Variants in MYH4 observed in about 807,000 individuals in gnomAD.
MYH4 encodes myosin heavy chain 4.
In MYH4, 200 loss-of-function variants were observed where a neutral mutation model predicts 229.9. That is an observed-to-expected ratio of 0.87 (90% CI 0.78 to 0.98). The LOEUF (loss-of-function observed/expected upper bound fraction) is 0.98, where lower values mean the gene tolerates loss of function less well. MYH4 is among the 50% of genes least tolerant of loss of function. MYH4 has a pLI of 0.00. For synonymous variants in MYH4, 761 were observed against 834.6 expected (o/e 0.91, Z 1.52); for missense variants, 2,148 against 2,332.6 (o/e 0.92, Z 1.63).
chr17:10,452,220 C>T lies in MYH4; in HGVS notation c.3459G>A (p.Arg1153=). The T allele has an allele frequency of 6.2e-7, 1 of 1,613,920 alleles. No homozygotes were observed. Among genetic ancestry groups the T allele is most frequent in the South Asian group, 1.1e-5 (1 of 91,068 alleles). Residue 1153 remains arginine, a synonymous_variant, in exon 27 of 40, where the codon AGG becomes AGA. Transcript: ENST00000255381. ...LSRELEEISE[R]LEEAGGATSA... is the part of the protein sequence containing the mutation. ...AAGTGGCCCCACCGGCTTCTTCCAG[C>T]CTCTCACTGATCTCCTCCAGCTCCC... is the stretch of plus-strand genomic sequence containing the variant.
intron 17 of MYH4, 35 bp from the exon 18 acceptor site, chr17:10,455,936 C>T (rs2142221467): frequency 6.2e-7 from 1 of 1,612,758 alleles, no homozygotes; most frequent in Non-Finnish European, 8.5e-7. Context: ...AAAATCATTT[C>T]TAGTTGCATC....
intron 2 of MYH4, 135 bp from the exon 3 acceptor site, chr17:10,466,919 T>A (rs2072774610): frequency 1.4e-6 from 1 of 709,530 alleles, no homozygotes; most frequent in East Asian, 2.7e-5. Flanking sequence ...CTGTATACTA[T>A]GTCAAGGAGC....
At position 10,443,610 on chromosome 17, in the gene MYH4, T is replaced by C; in HGVS notation, c.5668-83A>G. The C allele has an allele frequency of 6.9e-7, 1 of 1,455,164 alleles. No individual in the cohort carries two copies. The highest frequency in any genetic ancestry group is 2.3e-5 in the East Asian group (1 of 43,538). 90.1% of individuals were successfully genotyped at this position (1,455,164 alleles called of 1,614,324 possible). A position where few individuals can be genotyped will look rare whatever the true frequency, so the allele number is the denominator to read the frequency against. On this transcript the variant is annotated intron_variant, in intron 39 of 39. Transcript: ENST00000255381. This position sits in a 1 kb window ranked among gnomAD's most constrained non-coding sequence, Gnocchi z 4.6. ...TGCTTTTGTTACTTCAGGATTTGCC[T>C]CATGAATGAGAAAGAAAAAGGCTCC...
In MYH4 at chr17:10,448,445, T is replaced by C; in HGVS notation, c.4607A>G (p.Gln1536Arg). 6.2e-7 allele frequency: 1 copy of C among 1,614,042 alleles called. No homozygotes were observed. The highest frequency in any genetic ancestry group is 8.5e-7 in the Non-Finnish European group (1 of 1,179,944). Residue 1536 changes from glutamine to arginine, a missense_variant, in exon 33 of 40, where the codon CAA becomes CGA. Physicochemically the swap from Gln to Arg is conservative, Grantham distance 43. Coordinates refer to ENST00000255381, the MANE Select transcript of MYH4 (RefSeq NM_017533.2). ...TAGTTCACTCTTCTCATGATCAAGT[T>C]GTTTCTTTACTTTCTCCAGTTCATG... The part of the protein sequence containing the change: ...HIHELEKVKK[Q>R]LDHEKSELQT...
rs2072517088 is a variant in MYH4, at chr17:10,446,863, G to A, written c.5169+150C>T. 1.0e-5 allele frequency: 7 copies of A among 690,128 alleles called. No individual in the cohort carries two copies. In the Admixed American group the frequency reaches 2.1e-4, roughly 21 times the overall value. The allele number at this position is 690,128 out of a possible 1,614,324, so 42.8% of individuals were successfully genotyped here. A position where few individuals can be genotyped will look rare whatever the true frequency, so the allele number is the denominator to read the frequency against. On this transcript the variant is annotated intron_variant, in intron 35 of 39. Transcript: ENST00000255381. ...CATAAATATACTCGTGAACCAGCTAGGTCCCAGTAAATCCTTACAGCACCC... is the reference window on the plus strand; with the variant it reads ...CATAAATATACTCGTGAACCAGCTAAGTCCCAGTAAATCCTTACAGCACCC...
intron 17 of MYH4, 40 bp from the exon 18 acceptor site, chr17:10,455,941 TG>T (rs1333517972): frequency 1.2e-6 from 2 of 1,611,158 alleles, no homozygotes. Context: ...CATTTCTAGT[TG>T]CATCGACATG....
chr17:10,452,149 T>C lies in MYH4; in HGVS notation c.3530A>G (p.Lys1177Arg). Residue 1177 changes from lysine (K) to arginine (R), a missense_variant, in exon 27 of 40, where the codon AAA (lysine) becomes AGA (arginine). Transcript: ENST00000255381. ...GGACTCTTCCAGGTCCCTGCGCATT[T>C]TCTGGAACTCAGCCTCCCGCTTCTT... The part of the protein sequence containing the change: ...MNKKREAEFQ[K>R]MRRDLEESTL... 5 of 1,614,066 alleles carry C rather than the reference T, an allele frequency of 3.1e-6. No individual in the cohort carries two copies. The highest frequency in any genetic ancestry group is 3.4e-6 in the Non-Finnish European group (4 of 1,180,016).
In MYH4 at chr17:10,448,440, C is replaced by T. The variant is rs868682593; in HGVS notation, c.4612G>A (p.Asp1538Asn). Residue 1538 changes from aspartate to asparagine, a missense_variant, in exon 33 of 40, where the codon GAT (aspartate) becomes AAT (asparagine). Transcript: ENST00000255381. Reference protein sequence around the residue: ...HELEKVKKQLDHEKSELQTSL... With the variant: ...HELEKVKKQLNHEKSELQTSL... The stretch of plus-strand genomic sequence containing the variant: ...GTCTGTAGTTCACTCTTCTCATGAT[C>T]AAGTTGTTTCTTTACTTTCTCCAGT... The T allele has an allele frequency of 6.2e-7, 1 of 1,613,980 alleles. No homozygotes were observed.
intron 35 of MYH4, among the ~76,000 whole-genome samples, chr17:10,446,622 T>G (rs926673448): frequency 5.9e-5 from 9 of 152,234 alleles, no homozygotes; most frequent in African/African-American, 2.2e-4. Flanking sequence ...CCCATGAGGT[T>G]AGCATTCTGT....
chr17:10,465,337 T>C (rs1222972579), intron 5 of MYH4, 105 bp downstream of exon 5: 2 of 1,374,772 alleles, frequency 1.5e-6, no homozygotes, highest in Non-Finnish European at 2.0e-6. Context: ...TCTGTTATCA[T>C]GTTTGTGCTG....
rs2072605947 is a variant in MYH4, at chr17:10,453,750, T to C, written c.2827A>G (p.Lys943Glu). The C allele has an allele frequency of 2.5e-6, 4 of 1,614,138 alleles. No homozygotes were observed. In the Admixed American group the frequency reaches 6.7e-5, roughly 27 times the overall value. Residue 943 changes from lysine to glutamate, a missense_variant, in exon 23 of 40, where the codon AAG becomes GAG. Lys to Glu is a moderately conservative substitution (Grantham distance 56, BLOSUM62 1). Coordinates refer to ENST00000255381, the MANE Select transcript of MYH4 (RefSeq NM_017533.2). The stretch of plus-strand genomic sequence containing the variant: ...CATTCATCCTCCAGTTTCCTCTTCT[T>C]GGCTGTCAGCTCAGCATTGATCTCT... Reference protein sequence around the residue: ...EEEINAELTAKKRKLEDECSE... With the variant: ...EEEINAELTAEKRKLEDECSE...
At chr17:10,449,268 G>C (rs910686407) in intron 30 of MYH4, among the ~76,000 whole-genome samples, 1 of 152,196 alleles carries the variant, frequency 6.6e-6, no homozygotes, top group Non-Finnish European at 1.5e-5. Context: ...GCACCTGTGT[G>C]TGTGTATGTG....
chr17:10,465,519 T>C lies in MYH4; in HGVS notation c.428A>G (p.Tyr143Cys), dbSNP rs2072752890. The change falls in exon 5 of 40, where the codon TAC becomes TGC. Residue 143 changes from tyrosine (Y) to cysteine (C), a missense_variant. Coordinates refer to ENST00000255381, the MANE Select transcript of MYH4 (RefSeq NM_017533.2). ...PVYNPEVVTA[Y>C]RGKKRQEAPP... Reference sequence around the variant, plus strand: ...GGCCTCCTGGCGCTTTTTGCCTCGGTAGGCTGTCACCACCTCAGGGTTGTA... The same window carrying C: ...GGCCTCCTGGCGCTTTTTGCCTCGGCAGGCTGTCACCACCTCAGGGTTGTA... 9 of 1,614,108 alleles carry C rather than the reference T, an allele frequency of 5.6e-6. No homozygotes were observed. The highest frequency in any genetic ancestry group is 7.6e-6 in the Non-Finnish European group (9 of 1,180,016).
In MYH4 at chr17:10,445,122, T is replaced by G. The variant is rs767578206; in HGVS notation, c.5320A>C (p.Lys1774Gln). The change falls in exon 37 of 40, where the codon AAG (lysine) becomes CAG (glutamine). Residue 1774 changes from lysine to glutamine, a missense_variant. Lys to Gln is a moderately conservative substitution (Grantham distance 53, BLOSUM62 1). Coordinates refer to ENST00000255381, the MANE Select transcript of MYH4 (RefSeq NM_017533.2). The part of the protein sequence containing the change: ...TDAAMMAEEL[K>Q]KEQDTSAHLE... Reference sequence around the variant, plus strand: ...TGGGCGCTGGTGTCCTGTTCCTTCTTCAGCTCCTCAGCCATCATGGCAGCC... The same window carrying G: ...TGGGCGCTGGTGTCCTGTTCCTTCTGCAGCTCCTCAGCCATCATGGCAGCC... 3 of 1,614,042 alleles carry G rather than the reference T, an allele frequency of 1.9e-6. No homozygotes were observed. In the African/African-American group the frequency reaches 4.0e-5, roughly 22 times the overall value.
At chr17:10,450,308 G>A in intron 30 of MYH4, 145 bp downstream of exon 30, 1 of 1,317,962 alleles carries the variant, frequency 7.6e-7, no homozygotes, top group East Asian at 2.5e-5. Context: ...TTAAGAAGAA[G>A]AATATGGTGG....
rs556571562 is a variant in MYH4, at chr17:10,445,729, A to G, written c.5170-367T>C. 3.7e-3 allele frequency among the ~76,000 whole-genome samples: 571 copies of G among 152,270 alleles called. 7 individuals carry two copies. The highest frequency in any genetic ancestry group is 5.4e-3 in the South Asian group (26 of 4,818). On this transcript the variant is annotated intron_variant, in intron 35 of 39. Transcript: ENST00000255381. The stretch of plus-strand genomic sequence containing the variant: ...TGGTTGACTCCATATTTATAAATGC[A>G]TAAATAGTTGTCTTGTTGGCTGGGC...
At chr17:10,459,133 T>C in intron 15 of MYH4, 118 bp downstream of exon 15, 1 of 1,514,958 alleles carries the variant, frequency 6.6e-7, no homozygotes, top group Non-Finnish European at 9.1e-7. Flanking sequence ...CCAATCAGAA[T>C]ATACGAGTGT....
rs200121484 is a variant in MYH4 at position 10,451,430 on chromosome 17, C to T, written c.3761G>A (p.Arg1254His). Reference protein sequence around the residue: ...KAKANFEKMCRTLEDQLSEIK... With the variant: ...KAKANFEKMCHTLEDQLSEIK... Reference sequence around the variant, plus strand: ...TTCACTAAGCTGGTCCTCTAGGGTGCGGCACATTTTCTCAAAGTTTGCCTG... The same window carrying T: ...TTCACTAAGCTGGTCCTCTAGGGTGTGGCACATTTTCTCAAAGTTTGCCTG... The change falls in exon 28 of 40, where the codon CGC becomes CAC. Residue 1254 changes from arginine to histidine, a missense_variant. Arg to His is a conservative substitution (Grantham distance 29). Transcript: ENST00000255381. The T allele has an allele frequency of 4.0e-5, 64 of 1,613,126 alleles. No homozygotes were observed. In the African/African-American group the frequency reaches 6.3e-4, roughly 16 times the overall value.
intron 22 of MYH4, 151 bp from the exon 23 acceptor site, chr17:10,454,036 T>C (rs1260477723): frequency 9.5e-7 from 1 of 1,049,270 alleles, no homozygotes; most frequent in African/African-American, 1.6e-5. Flanking sequence ...AAAATGTTAA[T>C]ACTGTTATCT....
Sources: gnomAD v4.1 joint callset for allele counts (sites outside exome capture counted in the v4.1 genomes callset) on GRCh38, gnomAD v4.1.1 for gene constraint, Gnocchi (gnomAD v3.1) non-coding constraint, MANE v1.5 for transcripts, NCBI Gene and HGNC (gene_info 2026-07-23, HGNC 2026-07-21) for gene names.